Variants in PTK2 observed in about 807,000 individuals in gnomAD.
PTK2 encodes the protein focal adhesion kinase 1.
A neutral mutation model predicts 150.1 loss-of-function variants in PTK2; 45 were observed. The observed-to-expected ratio is 0.30, with a 90% CI of 0.24 to 0.38. The LOEUF (loss-of-function observed/expected upper bound fraction) is 0.38, where lower values mean the gene tolerates loss of function less well. Among genes scored for constraint, PTK2 ranks in the 10% least tolerant of loss-of-function variants. The pLI is 1.00. For synonymous variants in PTK2, 432 were observed against 449.2 expected (o/e 0.96, Z 0.48); for missense variants, 919 against 1,307.3 (o/e 0.70, Z 4.58).
At chr8:140,981,723 C>T (rs946511891) in intron 1 of PTK2, among the ~76,000 whole-genome samples, 4 of 152,202 alleles carry the variant, frequency 2.6e-5, no homozygotes, top group African/African-American at 9.7e-5. Context: ...CCTTTACATA[C>T]AGCCCATGGA....
chr8:140,843,351 T>C (rs570444800), intron 7 of PTK2, among the ~76,000 whole-genome samples: 1 of 152,304 alleles, frequency 6.6e-6, no homozygotes, highest in South Asian at 2.1e-4. Context: ...TGTAACTCTG[T>C]ATCCTTTTGA....
At chr8:140,866,634 T>C (rs781036179) in intron 4 of PTK2, among the ~76,000 whole-genome samples, 8 of 152,212 alleles carry the variant, frequency 5.3e-5, no homozygotes, top group Non-Finnish European at 8.8e-5. Flanking sequence ...TGGCATATCA[T>C]AATAAATGGT....
chr8:140,864,921 C>G (rs117601060), intron 4 of PTK2, among the ~76,000 whole-genome samples: 2 of 152,142 alleles, frequency 1.3e-5, no homozygotes, highest in African/African-American at 4.8e-5. Flanking sequence ...GTACACATTT[C>G]GGTTGCATAT....
chr8:140,871,987 T>C lies in PTK2; in HGVS notation c.362+7484A>G, dbSNP rs561120741. On this transcript the variant is annotated intron_variant, in intron 4 of 31. Transcript: ENST00000522684. ...ACTTTGGGAGGCCAAGGTGGGCAGA[T>C]CATGAGGTCAGGAGATCAAGACCAT... Among the ~76,000 whole-genome samples the C allele has an allele frequency of 1.6e-4, 24 of 152,176 alleles. No homozygotes were observed. The East Asian group carries it at 4.1e-3, about 26-fold the overall frequency.
At chr8:140,678,939 T>A (rs73714723) in intron 27 of PTK2, among the ~76,000 whole-genome samples, 5,045 of 149,872 alleles carry the variant, frequency 0.034, 275 homozygotes, top group African/African-American at 0.12. Context: ...ATTTAAAAAA[T>A]TTTTAAATTT....
intron 26 of PTK2, among the ~76,000 whole-genome samples, chr8:140,693,049 T>C (rs1050670370): frequency 6.6e-5 from 10 of 152,158 alleles, no homozygotes. Context: ...AGAAAATTAT[T>C]GTGCATGCAG....
Position 140,660,747 on chromosome 8 carries a change from T to G in PTK2, c.2947-1069A>C, listed in dbSNP as rs9324529. 9.3e-3 allele frequency: 3,537 copies of G among 381,860 alleles called. 117 individuals carry two copies. The highest frequency in any genetic ancestry group is 0.067 in the African/African-American group (3,220 of 48,384). The allele number at this position is 381,860 out of a possible 1,614,324, so 23.7% of individuals were successfully genotyped here. On this transcript the variant is annotated intron_variant, in intron 31 of 31. Coordinates refer to ENST00000522684, the Ensembl canonical transcript of PTK2. ...ATGTACGCCCCTCCCCCCGCACACA[T>G]TAAGTCAGGGCAGCAATGGTGGAAG...
intron 10 of PTK2, among the ~76,000 whole-genome samples, chr8:140,804,422 C>T (rs1349373066): frequency 7.3e-5 from 11 of 150,296 alleles, no homozygotes; most frequent in Non-Finnish European, 1.2e-4. Context: ...CCTTTCTCTA[C>T]CAAAAGAAAA....
At chr8:140,873,356 T>C (rs2100143652) in intron 4 of PTK2, among the ~76,000 whole-genome samples, 1 of 152,268 alleles carries the variant, frequency 6.6e-6, no homozygotes, top group Non-Finnish European at 1.5e-5. Context: ...ATTTCCCTGA[T>C]CAATAATGAA....
chr8:140,943,807 A>G (rs1342173276), intron 1 of PTK2, among the ~76,000 whole-genome samples: 1 of 152,126 alleles, frequency 6.6e-6, no homozygotes, highest in African/African-American at 2.4e-5. Context: ...GTGTGGTTGT[A>G]ATTTACATTT....
At chr8:140,742,157 A>G (rs889759014) in intron 20 of PTK2, among the ~76,000 whole-genome samples, 4 of 152,170 alleles carry the variant, frequency 2.6e-5, no homozygotes, top group Non-Finnish European at 5.9e-5. Flanking sequence ...ACAAACAAAA[A>G]TCCCACCAAA....
intron 1 of PTK2, among the ~76,000 whole-genome samples, chr8:140,957,920 T>C (rs2100181742): frequency 6.6e-6 from 1 of 152,164 alleles, no homozygotes; most frequent in Admixed American, 6.5e-5. Flanking sequence ...AAGCAACTCA[T>C]ATATAAAAAT....
At chr8:140,862,522 T>C (rs1289093360) in intron 5 of PTK2, among the ~76,000 whole-genome samples, 1 of 152,158 alleles carries the variant, frequency 6.6e-6, no homozygotes, top group Non-Finnish European at 1.5e-5. Flanking sequence ...TTCAACTCTG[T>C]ATTATCGTAA....
intron 4 of PTK2, 68 bp downstream of exon 4, chr8:140,879,403 C>T: frequency 2.1e-6 from 3 of 1,438,488 alleles, no homozygotes; most frequent in Non-Finnish European, 2.8e-6. Context: ...CATTTGTTAT[C>T]TTGTGCATGT....
chr8:140,980,525 G>A (rs1056770832), intron 1 of PTK2, among the ~76,000 whole-genome samples: 2 of 152,064 alleles, frequency 1.3e-5, no homozygotes, highest in Admixed American at 6.5e-5. Context: ...AGGAGGCTGA[G>A]GCAAGAGAAT....
intron 8 of PTK2, among the ~76,000 whole-genome samples, chr8:140,827,255 A>C (rs1308713270): frequency 6.6e-6 from 1 of 151,988 alleles, no homozygotes; most frequent in African/African-American, 2.4e-5. Context: ...TACTCAACCA[A>C]AACCCCCTTT....
intron 23 of PTK2, among the ~76,000 whole-genome samples, chr8:140,714,859 C>A (rs1204704165): frequency 7.3e-6 from 1 of 137,274 alleles, no homozygotes; most frequent in Non-Finnish European, 1.6e-5. Flanking sequence ...ATATCACAAG[C>A]AGAATTATGA....
intron 7 of PTK2, among the ~76,000 whole-genome samples, chr8:140,844,937 G>T (rs1394081010): frequency 1.3e-5 from 2 of 152,024 alleles, no homozygotes; most frequent in Non-Finnish European, 2.9e-5. Context: ...TCTGTGACTG[G>T]TATCCATAGT....
At chr8:140,981,657 T>C (rs975157059) in intron 1 of PTK2, among the ~76,000 whole-genome samples, 3 of 152,186 alleles carry the variant, frequency 2.0e-5, no homozygotes, top group African/African-American at 7.2e-5. Flanking sequence ...CATGTGAAAA[T>C]TATAGAAAAT....
Sources: allele counts gnomAD v4.1 joint callset (sites outside exome capture counted in the v4.1 genomes callset), GRCh38; gene constraint gnomAD v4.1.1; transcripts MANE v1.5; gene names NCBI Gene and HGNC (gene_info 2026-07-23, HGNC 2026-07-21).